Variants in INTS5 observed in about 807,000 individuals in gnomAD.
INTS5 encodes the protein integrator complex subunit 5, also known as KIAA1698.
In INTS5, 29 loss-of-function variants were observed where a neutral mutation model predicts 60.0. That is an observed-to-expected ratio of 0.48 (90% CI 0.36 to 0.66). The LOEUF (loss-of-function observed/expected upper bound fraction) is 0.66, where lower values mean the gene tolerates loss of function less well. INTS5 is among the 30% of genes least tolerant of loss of function. The pLI is 0.00. For synonymous variants in INTS5, 588 were observed against 558.8 expected (o/e 1.05, Z -0.74); for missense variants, 1,129 against 1,307.9 (o/e 0.86, Z 2.11).
chr11:62,651,235 T>C (rs909819626), intron 1 of INTS5, among the ~76,000 whole-genome samples: 47 of 151,854 alleles, frequency 3.1e-4, no homozygotes, highest in African/African-American at 1.1e-3. Context: ...CTCAGCCTCC[T>C]GAGTAGCTGG....
intron 1 of INTS5, among the ~76,000 whole-genome samples, chr11:62,652,305 C>A (rs891030026): frequency 6.6e-6 from 1 of 151,818 alleles, no homozygotes; most frequent in South Asian, 2.1e-4. Context: ...GGAGTCAGGG[C>A]GACCATCTCA....
chr11:62,652,910 C>G (rs1944607145), intron 1 of INTS5, among the ~76,000 whole-genome samples: 2 of 152,152 alleles, frequency 1.3e-5, no homozygotes, highest in Admixed American at 6.5e-5. Context: ...AGTTCAGATA[C>G]CCCCGACTCT....
chr11:62,648,925 G>T lies in INTS5; in HGVS notation c.1155C>A (p.Asp385Glu), dbSNP rs748314315. The T allele has an allele frequency of 6.2e-7, 1 of 1,613,178 alleles. No individual in the cohort carries two copies. The highest frequency in any genetic ancestry group is 8.5e-7 in the Non-Finnish European group (1 of 1,179,522). Residue 385 changes from aspartate to glutamate, a missense_variant, in exon 2 of 2, where the codon GAC becomes GAA. Coordinates refer to ENST00000330574, the MANE Select transcript of INTS5 (RefSeq NM_030628.2). This position sits in a 1 kb window ranked among gnomAD's most constrained non-coding sequence, Gnocchi z 4.4. ...GGTGCACAGCCAGGTTCAACATGTTGTCCAGCTCCTCTCGGGGGAATCCTT... is the reference window on the plus strand; with the variant it reads ...GGTGCACAGCCAGGTTCAACATGTTTTCCAGCTCCTCTCGGGGGAATCCTT... Reference protein sequence around the residue: ...HLQGFPREELDNMLNLAVHLV... With the variant: ...HLQGFPREELENMLNLAVHLV...
chr11:62,651,480 A>G (rs2134583414), intron 1 of INTS5, among the ~76,000 whole-genome samples: 1 of 152,330 alleles, frequency 6.6e-6, no homozygotes, highest in Middle Eastern at 3.4e-3. Flanking sequence ...AGAATATATC[A>G]GGTACTCTTT....
At chr11:62,652,169 A>AC (rs1944600420) in intron 1 of INTS5, among the ~76,000 whole-genome samples, 1 of 149,992 alleles carries the variant, frequency 6.7e-6, no homozygotes, top group African/African-American at 2.4e-5. Flanking sequence ...AAAATACAAA[A>AC]AAAAAAAAAA....
rs1159911216 is a variant in INTS5, at chr11:62,647,183, C to T, written c.2897G>A (p.Arg966Gln). The change falls in exon 2 of 2, where the codon CGG becomes CAG. Residue 966 changes from arginine (R) to glutamine (Q), a missense_variant. Around this residue, in one of 3 missense-constraint regions of INTS5, gnomAD observed 1,070 missense variants for 1,246.1 expected, o/e 0.86. Transcript: ENST00000330574. ...LPQKFIFQSE[R>Q]GRFIRDFSRE... The stretch of plus-strand genomic sequence containing the variant: ...GGAGAAGTCCCGAATGAAGCGACCC[C>T]GCTCTGATTGGAAGATGAACTTCTG... 6.2e-7 allele frequency: 1 copy of T among 1,614,220 alleles called. No individual in the cohort carries two copies. The highest frequency in any genetic ancestry group is 8.5e-7 in the Non-Finnish European group (1 of 1,180,046).
chr11:62,650,022 G>A, intron 1 of INTS5, 23 bp from the exon 2 acceptor site: 1 of 1,585,420 alleles, frequency 6.3e-7, no homozygotes, highest in Non-Finnish European at 8.6e-7. Context: ...AAAAGAAACA[G>A]ACTTAAGAGT....
Position 62,648,002 on chromosome 11 carries a change from A to G in INTS5, c.2078T>C (p.Val693Ala). The change falls in exon 2 of 2, where the codon GTT becomes GCT. Residue 693 changes from valine to alanine, a missense_variant. Coordinates refer to ENST00000330574, the MANE Select transcript of INTS5 (RefSeq NM_030628.2). This position sits in a 1 kb window ranked among gnomAD's most constrained non-coding sequence, Gnocchi z 4.4. The stretch of plus-strand genomic sequence containing the variant: ...GTTGCCTCGATGTAAGGCTCCTTCA[A>G]CCAGCAGCTGCAGGACAGCCTTGAG... ...AGLKAVLQLL[V>A]EGALHRGNTE... The G allele has an allele frequency of 1.2e-6, 2 of 1,614,146 alleles. No individual in the cohort carries two copies. Among genetic ancestry groups the G allele is most frequent in the Non-Finnish European group, 1.7e-6 (2 of 1,180,018 alleles).
intron 1 of INTS5, among the ~76,000 whole-genome samples, chr11:62,650,806 C>G (rs1435530185): frequency 6.6e-6 from 1 of 152,064 alleles, no homozygotes; most frequent in African/African-American, 2.4e-5. Context: ...CTCCCAGACT[C>G]AAAGCATCCT....
chr11:62,647,614 G>A lies in INTS5; in HGVS notation c.2466C>T (p.Pro822=), dbSNP rs770868833. ...AGGCCAGCTCTGCACCAGCTGCATC[G>A]GGACACACACTCTCCACCAAGGTCA... The part of the protein sequence containing the change: ...VAVTLVESVC[P]DAAGAELAWP... Residue 822 remains proline (P), a synonymous_variant, in exon 2 of 2, where the codon CCC becomes CCT. Coordinates refer to ENST00000330574, the MANE Select transcript of INTS5 (RefSeq NM_030628.2). 3.7e-6 allele frequency: 6 copies of A among 1,614,008 alleles called. No homozygotes were observed. The highest frequency in any genetic ancestry group is 4.5e-5 in the East Asian group (2 of 44,888).
In INTS5 at chr11:62,647,389, CGT is replaced by C; in HGVS notation, c.2689_2690del (p.Thr897AspfsTer19). The C allele has an allele frequency of 6.2e-7, 1 of 1,612,646 alleles. No homozygotes were observed. Among genetic ancestry groups the C allele is most frequent in the Non-Finnish European group, 8.5e-7 (1 of 1,179,396 alleles). Reference protein sequence around the residue: ...GHWEASRHPDTTHSPWHLEAS... With the variant: ...GHWEASRHPDXTHSPWHLEAS... The stretch of plus-strand genomic sequence containing the variant: ...CCTCCAGGTGCCAGGGGGAGTGGGT[CGT>C]GTCAGGGTGGCGAGAGGCTTCCCAA... On this transcript the variant is annotated frameshift_variant, in exon 2 of 2. Coordinates refer to ENST00000330574, the MANE Select transcript of INTS5 (RefSeq NM_030628.2). LOFTEE classifies it high-confidence loss of function.
intron 1 of INTS5, 48 bp downstream of exon 1, chr11:62,653,122 C>A (rs1341692461): frequency 2.6e-6 from 3 of 1,142,272 alleles, no homozygotes; most frequent in Non-Finnish European, 2.2e-6. Flanking sequence ...GGCTAGGGAT[C>A]GGCGCGGGGC....
chr11:62,649,134 T>C lies in INTS5; in HGVS notation c.946A>G (p.Met316Val). 6.2e-7 allele frequency: 1 copy of C among 1,612,852 alleles called. No homozygotes were observed. Among genetic ancestry groups the C allele is most frequent in the Non-Finnish European group, 8.5e-7 (1 of 1,179,000 alleles). The change falls in exon 2 of 2, where the codon ATG becomes GTG. Residue 316 changes from methionine to valine, a missense_variant. By Grantham distance (21) the Met-to-Val change is conservative. Around this residue, in one of 3 missense-constraint regions of INTS5, gnomAD observed 1,070 missense variants for 1,246.1 expected, o/e 0.86. Transcript: ENST00000330574. The surrounding 1 kb of genome is among the most constrained non-coding windows in gnomAD (Gnocchi z 6.0). ...CCCCCTGCCAGGCTATCATGGAACA[T>C]TCGCAGGAGCTCCCGTCGGATGCTA... ...GDSIRRELLR[M>V]FHDSLAGGSG... is the part of the protein sequence containing the mutation.
chr11:62,647,403 G>C lies in INTS5; in HGVS notation c.2677C>G (p.Arg893Gly). The C allele has an allele frequency of 6.2e-7, 1 of 1,611,812 alleles. No homozygotes were observed. Among genetic ancestry groups the C allele is most frequent in the Non-Finnish European group, 8.5e-7 (1 of 1,178,854 alleles). Residue 893 changes from arginine to glycine, a missense_variant, in exon 2 of 2, where the codon CGC becomes GGC. Physicochemically the swap from Arg to Gly is moderately radical, Grantham distance 125 (BLOSUM62 -2). Coordinates refer to ENST00000330574, the MANE Select transcript of INTS5 (RefSeq NM_030628.2). ...AALLGHWEAS[R>G]HPDTTHSPWH... ...GGGGAGTGGGTCGTGTCAGGGTGGC[G>C]AGAGGCTTCCCAATGGCCCAAGAGG...
Position 62,649,045 on chromosome 11 carries a change from T to C in INTS5, c.1035A>G (p.Ala345=), listed in dbSNP as rs778845460. 2.0e-5 allele frequency: 32 copies of C among 1,612,078 alleles called. No individual in the cohort carries two copies. The South Asian group carries it at 3.2e-4, about 16-fold the overall frequency. Residue 345 remains alanine, a synonymous_variant, in exon 2 of 2, where the codon GCA becomes GCG. Transcript: ENST00000330574. This position sits in a 1 kb window ranked among gnomAD's most constrained non-coding sequence, Gnocchi z 6.0. The part of the protein sequence containing the change: ...QATVPFLLQL[A]VMSPALLGTV... ...TGCCCAGCAAAGCTGGTGACATGAC[T>C]GCCAGCTGCAGTAGGAACGGAACCG... is the stretch of plus-strand genomic sequence containing the variant.
Position 62,649,287 on chromosome 11 carries a change from C to T in INTS5, c.793G>A (p.Gly265Arg). Residue 265 changes from glycine (G) to arginine (R), a missense_variant, in exon 2 of 2, where the codon GGA becomes AGA. This residue lies in a region of INTS5 where 1,070 missense variants were observed against 1,246.1 expected (regional missense o/e 0.86). Transcript: ENST00000330574. The surrounding 1 kb of genome is among the most constrained non-coding windows in gnomAD (Gnocchi z 6.0). ...GTAGAGGGGGTCTGAGAAGAGCTTCCACCACTACTGCCAGCTCCACCTCCA... is the reference window on the plus strand; with the variant it reads ...GTAGAGGGGGTCTGAGAAGAGCTTCTACCACTACTGCCAGCTCCACCTCCA... ...GAGGGAGSSG[G>R]SSSQTPSTDP... 1 of 1,614,092 alleles carries T rather than the reference C, an allele frequency of 6.2e-7. No homozygotes were observed. The highest frequency in any genetic ancestry group is 8.5e-7 in the Non-Finnish European group (1 of 1,180,020).
At position 62,649,901 on chromosome 11, in the gene INTS5, A is replaced by C. The variant is rs1300635905; in HGVS notation, c.179T>G (p.Leu60Arg). The part of the protein sequence containing the change: ...LSAREHARCG[L>R]LLLRSLPPAR... ...AGGTGGCAAAGAACGGAGCAGGAGA[A>C]GACCACAGCGAGCATGTTCCCGGGC... The change falls in exon 2 of 2, where the codon CTT becomes CGT. Residue 60 changes from leucine (L) to arginine (R), a missense_variant. Physicochemically the swap from Leu to Arg is moderately radical, Grantham distance 102 (BLOSUM62 -2). This residue lies in a region of INTS5 where 1,070 missense variants were observed against 1,246.1 expected (regional missense o/e 0.86). Coordinates refer to ENST00000330574, the MANE Select transcript of INTS5 (RefSeq NM_030628.2). The surrounding 1 kb of genome is among the most constrained non-coding windows in gnomAD (Gnocchi z 6.0). 3 of 1,614,124 alleles carry C rather than the reference A, an allele frequency of 1.9e-6. No individual in the cohort carries two copies. The African/African-American group carries it at 4.0e-5, about 22-fold the overall frequency.
Position 62,653,184 on chromosome 11 carries a change from A to T in INTS5, c.66T>A (p.Gly22=). 1 of 1,247,252 alleles carries T rather than the reference A, an allele frequency of 8.0e-7. No individual in the cohort carries two copies. The highest frequency in any genetic ancestry group is 1.0e-6 in the Non-Finnish European group (1 of 987,406). 77.3% of individuals were successfully genotyped at this position (1,247,252 alleles called of 1,614,324 possible). A position where few individuals can be genotyped will look rare whatever the true frequency, so the allele number is the denominator to read the frequency against. ...GPPGPAPATH[G]PAPLSAQELS... ...GCTCTAACTACCTGAGAGGCGCGGG[A>T]CCGTGGGTGGCCGGGGCAGGCCCAG... Residue 22 remains glycine, a synonymous_variant, in exon 1 of 2, where the codon GGT becomes GGA. Coordinates refer to ENST00000330574, the MANE Select transcript of INTS5 (RefSeq NM_030628.2).
Position 62,647,401 on chromosome 11 carries a change from G to A in INTS5, c.2679C>T (p.Arg893=), listed in dbSNP as rs1944533287. ...AGGGGGAGTGGGTCGTGTCAGGGTGGCGAGAGGCTTCCCAATGGCCCAAGA... is the reference window on the plus strand; with the variant it reads ...AGGGGGAGTGGGTCGTGTCAGGGTGACGAGAGGCTTCCCAATGGCCCAAGA... ...AALLGHWEAS[R]HPDTTHSPWH... is the part of the protein sequence containing the mutation. Residue 893 remains arginine (R), a synonymous_variant, in exon 2 of 2, where the codon CGC becomes CGT. Coordinates refer to ENST00000330574, the MANE Select transcript of INTS5 (RefSeq NM_030628.2). 6.2e-7 allele frequency: 1 copy of A among 1,611,980 alleles called. No homozygotes were observed. The highest frequency in any genetic ancestry group is 1.1e-5 in the South Asian group (1 of 91,006).
Sources: gnomAD v4.1 joint callset for allele counts (sites outside exome capture counted in the v4.1 genomes callset) on GRCh38, gnomAD v4.1.1 for gene constraint, gnomAD v4.1.1 regional missense constraint, Gnocchi (gnomAD v3.1) non-coding constraint, MANE v1.5 for transcripts, NCBI Gene and HGNC (gene_info 2026-07-23, HGNC 2026-07-21) for gene names.